The following IP6K1 variants were observed in gnomAD, a reference collection of about 807,000 sequenced individuals.
IP6K1 encodes the protein inositol hexakisphosphate kinase 1.
IP6K1 carries 13 observed loss-of-function variants against 38.3 expected under a neutral mutation model. That is an observed-to-expected ratio of 0.34 (90% CI 0.22 to 0.54). The LOEUF is 0.54. Among genes scored for constraint, IP6K1 ranks in the 20% least tolerant of loss-of-function variants. IP6K1 has a pLI of 0.92. For missense variants in IP6K1, 397 were observed against 599.8 expected (o/e 0.66, Z 3.53); for synonymous variants, 212 against 229.9 (o/e 0.92, Z 0.70).
intron 3 of IP6K1, among the ~76,000 whole-genome samples, chr3:49,735,834 A>G (rs1232319717): frequency 3.9e-5 from 6 of 152,236 alleles, no homozygotes; most frequent in African/African-American, 7.2e-5. Flanking sequence ...AACTGATCTG[A>G]TATCACAGAT....
chr3:49,755,553 C>T (rs971538677), intron 1 of IP6K1, among the ~76,000 whole-genome samples: 2 of 152,050 alleles, frequency 1.3e-5, no homozygotes, highest in South Asian at 4.1e-4. Context: ...CTGTATGATA[C>T]AATCCAAAGG....
chr3:49,780,546 G>A (rs376655328), intron 1 of IP6K1, among the ~76,000 whole-genome samples: 26 of 152,064 alleles, frequency 1.7e-4, no homozygotes, highest in Non-Finnish European at 2.6e-4. Context: ...TCCTTATAGC[G>A]TCAGGGCTGC....
intron 1 of IP6K1, among the ~76,000 whole-genome samples, chr3:49,783,908 G>A (rs542601346): frequency 6.6e-6 from 1 of 152,002 alleles, no homozygotes; most frequent in African/African-American, 2.4e-5. Flanking sequence ...AAACTCAGTC[G>A]AACAGCAACA....
At chr3:49,764,641 G>A (rs1041170902) in intron 1 of IP6K1, among the ~76,000 whole-genome samples, 1 of 152,074 alleles carries the variant, frequency 6.6e-6, no homozygotes, top group Admixed American at 6.6e-5. Flanking sequence ...CACTTTGGGA[G>A]GCCAAGGCAA....
chr3:49,780,309 T>TACAAACACACACACACACACACACACAC (rs1553697561), intron 1 of IP6K1, among the ~76,000 whole-genome samples: 1 of 117,616 alleles, frequency 8.5e-6, no homozygotes, highest in Admixed American at 9.4e-5. Flanking sequence ...TCATCTTTCA[T>TACAAACACACACACACACACACACACAC]ACACACACAC....
chr3:49,771,203 A>C (rs1249914321), intron 1 of IP6K1, among the ~76,000 whole-genome samples: 1 of 150,258 alleles, frequency 6.7e-6, no homozygotes, highest in Non-Finnish European at 1.5e-5. Flanking sequence ...AAAAAAAAAA[A>C]AAAAAAAAAC....
chr3:49,727,831 G>T lies in IP6K1; in HGVS notation c.793-176C>A, dbSNP rs536673162. On this transcript the variant is annotated intron_variant, in intron 5 of 5. Transcript: ENST00000321599. The surrounding 1 kb of genome is among the most constrained non-coding windows in gnomAD (Gnocchi z 5.9). ...GGGTTTTCCCATTGCAGAACCAAGA[G>T]AAAGCAATACCAGGCCTATGGGTTC... Among the ~76,000 whole-genome samples the T allele has an allele frequency of 6.6e-6, 1 of 152,228 alleles. No individual in the cohort carries two copies. The highest frequency in any genetic ancestry group is 2.1e-4 in the South Asian group (1 of 4,832).
In IP6K1 at chr3:49,776,797, T is replaced by G. The variant is rs144749038; in HGVS notation, c.-129+9557A>C. On this transcript the variant is annotated intron_variant, in intron 1 of 5. Coordinates refer to ENST00000321599, the MANE Select transcript of IP6K1 (RefSeq NM_153273.4). Reference sequence around the variant, plus strand: ...TGAATAATGAGGATCGACTGTATATTAATATGATTCCATTTATGTGAAACT... The same window carrying G: ...TGAATAATGAGGATCGACTGTATATGAATATGATTCCATTTATGTGAAACT... Among the ~76,000 whole-genome samples the G allele has an allele frequency of 1.5e-3, 222 of 152,326 alleles. 3 individuals carry two copies. The highest frequency in any genetic ancestry group is 4.7e-3 in the African/African-American group (197 of 41,580).
At chr3:49,776,787 G>A (rs1246840832) in intron 1 of IP6K1, among the ~76,000 whole-genome samples, 1 of 152,126 alleles carries the variant, frequency 6.6e-6, no homozygotes, top group African/African-American at 2.4e-5. Context: ...AATGAGGATC[G>A]ACTGTATATT....
chr3:49,726,715 G>C lies in IP6K1; in HGVS notation c.*407C>G, dbSNP rs1406638711. 7.9e-6 allele frequency: 2 copies of C among 252,036 alleles called. No homozygotes were observed. Among genetic ancestry groups the C allele is most frequent in the African/African-American group, 4.4e-5 (2 of 45,096 alleles). 15.6% of individuals were successfully genotyped at this position (252,036 alleles called of 1,614,324 possible). On this transcript the variant is annotated 3_prime_UTR_variant, in exon 6 of 6. Transcript: ENST00000321599. Reference sequence around the variant, plus strand: ...AGAGCCCTCTACTTCTGGGGAACAAGGGAAGAGTGGGCGTGGAGGGGCCCT... The same window carrying C: ...AGAGCCCTCTACTTCTGGGGAACAACGGAAGAGTGGGCGTGGAGGGGCCCT...
intron 1 of IP6K1, among the ~76,000 whole-genome samples, chr3:49,771,371 TA>T (rs929893385): frequency 4.0e-5 from 6 of 150,154 alleles, no homozygotes; most frequent in South Asian, 4.2e-4. Flanking sequence ...AAGCCAATTT[TA>T]AAAAAAAATG....
chr3:49,753,983 G>A (rs913569623), intron 1 of IP6K1, among the ~76,000 whole-genome samples: 3 of 152,118 alleles, frequency 2.0e-5, no homozygotes, highest in African/African-American at 7.2e-5. Flanking sequence ...CAGCCTATGA[G>A]GAGGAGAATT....
intron 3 of IP6K1, among the ~76,000 whole-genome samples, chr3:49,737,018 T>TGCC: frequency 6.6e-6 from 1 of 151,558 alleles, no homozygotes; most frequent in East Asian, 1.9e-4. Flanking sequence ...GTGATCTGCC[T>TGCC]GCCTTGGCCT....
At chr3:49,772,316 A>T (rs908075084) in intron 1 of IP6K1, among the ~76,000 whole-genome samples, 2 of 147,426 alleles carry the variant, frequency 1.4e-5, no homozygotes, top group African/African-American at 4.9e-5. Context: ...AATATATTTT[A>T]TATATATAAT....
At chr3:49,746,656 A>G (rs1362378874) in intron 2 of IP6K1, among the ~76,000 whole-genome samples, 1 of 149,714 alleles carries the variant, frequency 6.7e-6, no homozygotes, top group East Asian at 2.0e-4. Flanking sequence ...GCCTGGCAAC[A>G]GAGAGAAACT....
intron 2 of IP6K1, among the ~76,000 whole-genome samples, chr3:49,746,148 T>G (rs1238266172): frequency 6.6e-6 from 1 of 152,022 alleles, no homozygotes; most frequent in Non-Finnish European, 1.5e-5. Context: ...GTTTGGCAGT[T>G]CCTCCGAAAG....
intron 1 of IP6K1, among the ~76,000 whole-genome samples, chr3:49,777,517 T>G (rs912088220): frequency 6.9e-6 from 1 of 145,840 alleles, no homozygotes; most frequent in Non-Finnish European, 1.5e-5. Context: ...GAGTGGAGAT[T>G]GCGCCACTGC....
intron 1 of IP6K1, chr3:49,775,434 G>GT (rs958601931): frequency 6.5e-6 from 3 of 462,462 alleles, no homozygotes; most frequent in Non-Finnish European, 1.2e-5. Context: ...GTGTAACTAC[G>GT]TATCTTAGCA....
intron 1 of IP6K1, among the ~76,000 whole-genome samples, chr3:49,774,290 C>T (rs2080986464): frequency 6.6e-6 from 1 of 151,138 alleles, no homozygotes; most frequent in Non-Finnish European, 1.5e-5. Context: ...TGCCTGTAGT[C>T]CCAGCTACTC....
Sources: gnomAD v4.1 joint callset for allele counts (sites outside exome capture counted in the v4.1 genomes callset) on GRCh38, gnomAD v4.1.1 for gene constraint, Gnocchi (gnomAD v3.1) non-coding constraint, MANE v1.5 for transcripts, NCBI Gene and HGNC (gene_info 2026-07-23, HGNC 2026-07-21) for gene names.